Variants in DLGAP2 observed in about 807,000 individuals in gnomAD.
DLGAP2 encodes the protein disks large-associated protein 2.
Under a neutral mutation model 100.3 loss-of-function variants are expected in DLGAP2, and 26 were observed. The observed-to-expected ratio is 0.26, with a 90% CI of 0.19 to 0.36. The LOEUF (loss-of-function observed/expected upper bound fraction) is 0.36. DLGAP2 is among the 10% of genes least tolerant of loss of function. The probability of loss-of-function intolerance (pLI) is 1.00; values close to 1 mark genes in which losing one functional copy is unlikely to be tolerated. For synonymous variants in DLGAP2, 886 were observed against 630.1 expected (o/e 1.41, Z -6.08); for missense variants, 1,858 against 1,453.2 (o/e 1.28, Z -4.53).
intron 2 of DLGAP2, among the ~76,000 whole-genome samples, chr8:1,236,978 T>A (rs1798672046): frequency 6.6e-6 from 1 of 151,024 alleles, no homozygotes; most frequent in Non-Finnish European, 1.5e-5. Context: ...TGGTGCCGTG[T>A]CTAGTTCTCT....
chr8:1,218,660 T>C (rs2093587070), intron 2 of DLGAP2, among the ~76,000 whole-genome samples: 1 of 152,160 alleles, frequency 6.6e-6, no homozygotes, highest in Non-Finnish European at 1.5e-5. Context: ...GTTCTAATTA[T>C]ATGGAAAATC....
At chr8:863,864 C>T (rs538431110) in intron 1 of DLGAP2, among the ~76,000 whole-genome samples, 3 of 152,108 alleles carry the variant, frequency 2.0e-5, no homozygotes, top group Non-Finnish European at 4.4e-5. Context: ...TGGCTACAAC[C>T]CCAAGGAAAT....
intron 2 of DLGAP2, chr8:1,250,321 T>C (rs1473908168): frequency 6.6e-6 from 1 of 152,216 alleles, no homozygotes; most frequent in East Asian, 1.9e-4. Flanking sequence ...GCAACTCCAG[T>C]GCCTGGGTCT....
chr8:831,995 T>C (rs371401720), intron 1 of DLGAP2, among the ~76,000 whole-genome samples: 11 of 152,320 alleles, frequency 7.2e-5, no homozygotes, highest in African/African-American at 2.4e-4. Flanking sequence ...TGTTTGTTGA[T>C]TGCATAAATG....
At chr8:763,663 G>C (rs1821142513) in intron 1 of DLGAP2, among the ~76,000 whole-genome samples, 1 of 152,142 alleles carries the variant, frequency 6.6e-6, no homozygotes, top group Non-Finnish European at 1.5e-5. Flanking sequence ...GGCAGTGCTG[G>C]CTGAGGAGAG....
intron 3 of DLGAP2, among the ~76,000 whole-genome samples, chr8:1,325,073 ATCCT>A (rs1308407296): frequency 1.3e-5 from 2 of 152,118 alleles, no homozygotes; most frequent in African/African-American, 2.4e-5. Flanking sequence ...TCTGCCTGGC[ATCCT>A]TGGCCTCCAC....
chr8:1,689,180 G>C (rs573685367), intron 12 of DLGAP2, among the ~76,000 whole-genome samples: 1 of 152,318 alleles, frequency 6.6e-6, no homozygotes, highest in African/African-American at 2.4e-5. Context: ...AGGCTGTCTA[G>C]GCTTCCACAG....
chr8:741,399 G>A (rs1173303753), intron 1 of DLGAP2, among the ~76,000 whole-genome samples: 3 of 152,128 alleles, frequency 2.0e-5, no homozygotes, highest in Non-Finnish European at 4.4e-5. Flanking sequence ...ATTCTTCTGT[G>A]CACTGACTTC....
intron 10 of DLGAP2, among the ~76,000 whole-genome samples, chr8:1,675,274 A>G (rs1305294765): frequency 6.6e-6 from 1 of 152,218 alleles, no homozygotes; most frequent in Non-Finnish European, 1.5e-5. Context: ...CTCTGGGGTC[A>G]GAGAGATCCC....
chr8:793,115 C>A (rs764773008), intron 1 of DLGAP2, among the ~76,000 whole-genome samples: 28 of 152,188 alleles, frequency 1.8e-4, no homozygotes, highest in South Asian at 2.1e-4. Flanking sequence ...TTCTCCCATG[C>A]CTTCCTTGTT....
rs139339985 is a variant in DLGAP2 at position 1,033,191 on chromosome 8, C to T, written c.73+125225C>T. Among the ~76,000 whole-genome samples, 73 of 152,164 alleles carry T rather than the reference C, an allele frequency of 4.8e-4. 1 individual carries two copies. Among genetic ancestry groups the T allele is most frequent in the African/African-American group, 1.6e-3 (68 of 41,510 alleles). ...AGATGCATGCTGTGACTGATCATGG[C>T]CATCAGCTCAGGCCTGAGCATCTAA... On this transcript the variant is annotated intron_variant, in intron 2 of 14. Coordinates refer to ENST00000637795, the MANE Select transcript of DLGAP2 (RefSeq NM_001346810.2).
At chr8:1,009,322 A>G (rs939197406) in intron 2 of DLGAP2, among the ~76,000 whole-genome samples, 16 of 152,220 alleles carry the variant, frequency 1.1e-4, no homozygotes, top group African/African-American at 3.9e-4. Flanking sequence ...TTATTAGAAC[A>G]TTTCATAGAT....
rs1820561755 is a variant in DLGAP2 at position 744,341 on chromosome 8, C to T, written c.18+6516C>T. Among the ~76,000 whole-genome samples the T allele has an allele frequency of 2.0e-5, 3 of 152,298 alleles. No individual in the cohort carries two copies. In the South Asian group the frequency reaches 6.2e-4, roughly 32 times the overall value. On this transcript the variant is annotated intron_variant, in intron 1 of 14. Coordinates refer to ENST00000637795, the MANE Select transcript of DLGAP2 (RefSeq NM_001346810.2). ...CTTGTCTTTGATGTATTGGAATAGCCACTCTGTGAGGAAGGGTCTTGATCA... is the reference window on the plus strand; with the variant it reads ...CTTGTCTTTGATGTATTGGAATAGCTACTCTGTGAGGAAGGGTCTTGATCA...
intron 4 of DLGAP2, among the ~76,000 whole-genome samples, chr8:1,513,252 G>C (rs1300020594): frequency 1.4e-5 from 2 of 142,436 alleles, no homozygotes; most frequent in Non-Finnish European, 3.1e-5. Context: ...CAAGACGAGA[G>C]AGGCCACAGG....
chr8:1,667,065 G>T (rs991701402), intron 8 of DLGAP2, among the ~76,000 whole-genome samples: 1 of 152,236 alleles, frequency 6.6e-6, no homozygotes. Context: ...CCCACTGTGT[G>T]TGTGTGGCAG....
At chr8:1,002,979 C>T (rs1254401685) in intron 2 of DLGAP2, 1 of 152,258 alleles carries the variant, frequency 6.6e-6, no homozygotes, top group Non-Finnish European at 1.5e-5. Context: ...TTATAACGAT[C>T]TGGGACGCGA....
chr8:1,559,179 A>G (rs1802075849), intron 5 of DLGAP2, among the ~76,000 whole-genome samples: 1 of 152,194 alleles, frequency 6.6e-6, no homozygotes, highest in Non-Finnish European at 1.5e-5. Context: ...AGGTACAAGG[A>G]GGTAATTAGG....
intron 1 of DLGAP2, among the ~76,000 whole-genome samples, chr8:879,009 C>T (rs1797734676): frequency 1.3e-5 from 2 of 152,196 alleles, no homozygotes; most frequent in Admixed American, 6.5e-5. Context: ...GGTCTGGGCT[C>T]AATGAAGGAG....
At chr8:1,071,387 C>T (rs543187581) in intron 2 of DLGAP2, among the ~76,000 whole-genome samples, 5 of 152,288 alleles carry the variant, frequency 3.3e-5, no homozygotes, top group African/African-American at 9.6e-5. Flanking sequence ...CCCCTCCCTC[C>T]TCCAGCACCA....
Sources: allele counts gnomAD v4.1 joint callset (sites outside exome capture counted in the v4.1 genomes callset), GRCh38; gene constraint gnomAD v4.1.1; transcripts MANE v1.5; gene names NCBI Gene and HGNC (gene_info 2026-07-23, HGNC 2026-07-21).